LINC00305: variants seen among roughly 807,000 people sequenced by gnomAD.
LINC00305 encodes long independently transcribed non-coding RNA 305.
chr18:64,137,176 A>G (rs576465938), intron 1 of LINC00305, among the ~76,000 whole-genome samples: 18 of 152,274 alleles, frequency 1.2e-4, no homozygotes, highest in African/African-American at 4.3e-4. Flanking sequence ...GATGCTGAGG[A>G]GGAAACTGGA....
chr18:64,087,987 G>T (rs1324709172), intron 3 of LINC00305, among the ~76,000 whole-genome samples: 1 of 152,118 alleles, frequency 6.6e-6, no homozygotes, highest in African/African-American at 2.4e-5. Context: ...GCCAGGCGTG[G>T]TGGCGGGCGC....
intron 3 of LINC00305, among the ~76,000 whole-genome samples, chr18:64,084,615 C>A (rs1448378516): frequency 1.3e-5 from 2 of 152,212 alleles, no homozygotes; most frequent in African/African-American, 2.4e-5. Context: ...ATCAATAAAT[C>A]TTTGCTCTGC....
At chr18:64,143,760 CACATATTATGCGTACATGT>C (rs2051482158) in intron 1 of LINC00305, among the ~76,000 whole-genome samples, 1 of 102,244 alleles carries the variant, frequency 9.8e-6, no homozygotes, top group South Asian at 3.6e-4. Flanking sequence ...CATGTATGTA[CACATATTATGCGTACATGT>C]ATGTACACAT....
chr18:64,115,795 TA>T (rs2051334942), intron 1 of LINC00305, among the ~76,000 whole-genome samples: 1 of 152,168 alleles, frequency 6.6e-6, no homozygotes, highest in East Asian at 1.9e-4. Context: ...AAAATCTCAT[TA>T]AAAGCTTCTT....
chr18:64,116,770 A>T (rs1336358555), intron 1 of LINC00305, among the ~76,000 whole-genome samples: 4 of 152,212 alleles, frequency 2.6e-5, no homozygotes, highest in Non-Finnish European at 5.9e-5. Context: ...TTGCTTTGAC[A>T]GTCCAGTGAA....
chr18:64,133,834 T>C (rs2144270740), intron 1 of LINC00305, among the ~76,000 whole-genome samples: 1 of 152,274 alleles, frequency 6.6e-6, no homozygotes, highest in Non-Finnish European at 1.5e-5. Context: ...ACTTAATCTT[T>C]CAAAATCCAA....
intron 3 of LINC00305, among the ~76,000 whole-genome samples, chr18:64,091,765 G>A (rs1234737228): frequency 6.6e-6 from 1 of 152,226 alleles, no homozygotes; most frequent in East Asian, 1.9e-4. Context: ...TGACATAGTT[G>A]TGGAAAGTTT....
chr18:64,143,788 A>G lies in LINC00305; in HGVS notation n.314+4987T>C, dbSNP rs188036946. Among the ~76,000 whole-genome samples, 33 of 99,310 alleles carry G rather than the reference A, an allele frequency of 3.3e-4. 1 individual carries two copies. The highest frequency in any genetic ancestry group is 5.3e-4 in the Non-Finnish European group (25 of 47,500). The allele number at this position is 99,310 out of a possible 152,430, so 65.2% of individuals were successfully genotyped here. On this transcript the variant is annotated intron_variant and non_coding_transcript_variant, in intron 1 of 3. Coordinates refer to ENST00000666468, the Ensembl canonical transcript of LINC00305. ...ATATTATGCGTACATGTATGTACAC[A>G]TATTATGCGTACATGTATGTATACA...
intron 1 of LINC00305, among the ~76,000 whole-genome samples, chr18:64,122,645 T>C (rs1222323475): frequency 6.6e-6 from 1 of 152,134 alleles, no homozygotes; most frequent in Non-Finnish European, 1.5e-5. Context: ...TTCTTTTTGC[T>C]TAGGATTGGT....
intron 3 of LINC00305, among the ~76,000 whole-genome samples, chr18:64,094,426 C>T (rs571105196): frequency 2.6e-5 from 4 of 152,094 alleles, no homozygotes; most frequent in Admixed American, 2.6e-4. Flanking sequence ...AGCACAACAC[C>T]CTCAGAAGCA....
At chr18:64,118,332 G>A (rs1425664809) in intron 1 of LINC00305, among the ~76,000 whole-genome samples, 1 of 152,098 alleles carries the variant, frequency 6.6e-6, no homozygotes. Context: ...GTCTACGAAG[G>A]CAACCAGTAT....
At chr18:64,103,254 C>T (rs2051275036) in intron 1 of LINC00305, among the ~76,000 whole-genome samples, 1 of 152,186 alleles carries the variant, frequency 6.6e-6, no homozygotes, top group African/African-American at 2.4e-5. Context: ...TCATCAATTC[C>T]TGTCTTTCTC....
At chr18:64,102,272 G>A (rs2051270290) in intron 1 of LINC00305, among the ~76,000 whole-genome samples, 3 of 152,154 alleles carry the variant, frequency 2.0e-5, no homozygotes, top group South Asian at 2.1e-4. Flanking sequence ...ATGATCTAGT[G>A]AGCTAAGACA....
chr18:64,108,952 T>A (rs1325901879), intron 1 of LINC00305, among the ~76,000 whole-genome samples: 2 of 152,166 alleles, frequency 1.3e-5, no homozygotes, highest in Non-Finnish European at 2.9e-5. Flanking sequence ...AAAACTAACT[T>A]TTATTTCTTT....
chr18:64,118,858 G>C (rs929710666), intron 1 of LINC00305, among the ~76,000 whole-genome samples: 3 of 145,524 alleles, frequency 2.1e-5, no homozygotes, highest in Non-Finnish European at 4.6e-5. Flanking sequence ...GTGTGTGTGT[G>C]TGTGTGTGTA....
intron 1 of LINC00305, among the ~76,000 whole-genome samples, chr18:64,115,649 C>A (rs9952024): frequency 0.17 from 25,557 of 152,060 alleles, 2,260 homozygotes; most frequent in Admixed American, 0.22. Context: ...TTCAAGGAGG[C>A]CTCAATGTTC....
intron 1 of LINC00305, among the ~76,000 whole-genome samples, chr18:64,116,573 T>C (rs2051338826): frequency 6.6e-6 from 1 of 152,204 alleles, no homozygotes; most frequent in Admixed American, 6.5e-5. Context: ...TTCTTTTCTT[T>C]TCCTTTTTTT....
chr18:64,112,705 A>G (rs1428829699), intron 1 of LINC00305, among the ~76,000 whole-genome samples: 1 of 152,308 alleles, frequency 6.6e-6, no homozygotes, highest in Admixed American at 6.5e-5. Context: ...CCTATCTTCA[A>G]CCTGCTCTAA....
At chr18:64,116,136 C>T (rs1313202460) in intron 1 of LINC00305, among the ~76,000 whole-genome samples, 1 of 152,152 alleles carries the variant, frequency 6.6e-6, no homozygotes, top group Non-Finnish European at 1.5e-5. Flanking sequence ...TTAAAGTCTT[C>T]CTTGCCTATG....
Sources: gnomAD v4.1 joint callset for allele counts (sites outside exome capture counted in the v4.1 genomes callset) on GRCh38, gnomAD v4.1.1 for gene constraint, MANE v1.5 for transcripts, NCBI Gene and HGNC (gene_info 2026-07-23, HGNC 2026-07-21) for gene names.